Variants in SLC35F1 observed in about 807,000 individuals in gnomAD.
SLC35F1 encodes solute carrier family 35 member F1.
A neutral mutation model predicts 48.7 loss-of-function variants in SLC35F1; 14 were observed. That is an observed-to-expected ratio of 0.29 (90% CI 0.19 to 0.45). The LOEUF (loss-of-function observed/expected upper bound fraction) is 0.45. SLC35F1 is among the 20% of genes least tolerant of loss of function. The probability of loss-of-function intolerance (pLI) is 1.00; values close to 1 mark genes in which losing one functional copy is unlikely to be tolerated. For missense variants in SLC35F1, 404 were observed against 500.0 expected (o/e 0.81, Z 1.83); for synonymous variants, 190 against 202.2 (o/e 0.94, Z 0.51).
chr6:118,204,682 A>G (rs1774912298), intron 2 of SLC35F1, among the ~76,000 whole-genome samples: 1 of 152,184 alleles, frequency 6.6e-6, no homozygotes, highest in African/African-American at 2.4e-5. Context: ...TATAACAAAC[A>G]GAGAGAATAG....
At chr6:118,082,125 A>G (rs143426901) in intron 1 of SLC35F1, among the ~76,000 whole-genome samples, 25 of 152,384 alleles carry the variant, frequency 1.6e-4, no homozygotes, top group African/African-American at 5.5e-4. Flanking sequence ...TTAAAAATAC[A>G]GATTGGAGCC....
rs536156094 is a variant in SLC35F1 at position 118,099,092 on chromosome 6, A to G, written c.174-55353A>G. Among the ~76,000 whole-genome samples, 6 of 152,332 alleles carry G rather than the reference A, an allele frequency of 3.9e-5. No homozygotes were observed. In the South Asian group the frequency reaches 1.2e-3, roughly 32 times the overall value. On this transcript the variant is annotated intron_variant, in intron 1 of 7. Coordinates refer to ENST00000360388, the MANE Select transcript of SLC35F1 (RefSeq NM_001029858.4). Reference sequence around the variant, plus strand: ...AGAAGAGATCTTGCTCATGGGATAGATCCACATTCCCTAGGGGCTGGAAAG... The same window carrying G: ...AGAAGAGATCTTGCTCATGGGATAGGTCCACATTCCCTAGGGGCTGGAAAG...
chr6:117,948,722 A>G (rs1266418628), intron 1 of SLC35F1, among the ~76,000 whole-genome samples: 2 of 152,188 alleles, frequency 1.3e-5, no homozygotes, highest in Non-Finnish European at 2.9e-5. Context: ...CAATTATAAT[A>G]TAGGCTGATG....
intron 1 of SLC35F1, among the ~76,000 whole-genome samples, chr6:118,067,135 T>C (rs1257401888): frequency 2.0e-5 from 3 of 152,138 alleles, no homozygotes; most frequent in Non-Finnish European, 4.4e-5. Flanking sequence ...TTGTGAAAGA[T>C]AAGGGTGAAA....
At chr6:118,073,190 C>T (rs1414480371) in intron 1 of SLC35F1, among the ~76,000 whole-genome samples, 3 of 152,056 alleles carry the variant, frequency 2.0e-5, no homozygotes, top group East Asian at 3.9e-4. Context: ...GAGTCAAATC[C>T]TTAGTTACAT....
chr6:118,027,294 C>G (rs531816818), intron 1 of SLC35F1, among the ~76,000 whole-genome samples: 109 of 152,198 alleles, frequency 7.2e-4, no homozygotes, highest in African/African-American at 2.6e-3. Context: ...TCTTTTCTCT[C>G]TGGTAAATAC....
At chr6:118,311,270 G>C (rs1422150370) in intron 7 of SLC35F1, among the ~76,000 whole-genome samples, 1 of 152,162 alleles carries the variant, frequency 6.6e-6, no homozygotes. Flanking sequence ...TTATGTAGTA[G>C]AAAGGCACTG....
chr6:118,029,147 A>G (rs9398478), intron 1 of SLC35F1, among the ~76,000 whole-genome samples: 49,084 of 151,908 alleles, frequency 0.32, 8,287 homozygotes, highest in East Asian at 0.5. Flanking sequence ...GAAGGACCTC[A>G]TTATCCTCTA....
At chr6:118,041,902 G>A (rs899834804) in intron 1 of SLC35F1, among the ~76,000 whole-genome samples, 11 of 151,508 alleles carry the variant, frequency 7.3e-5, no homozygotes, top group African/African-American at 2.4e-4. Context: ...GACTTCAGAT[G>A]TTATTCATGG....
chr6:118,139,858 T>C (rs1032942304), intron 1 of SLC35F1, among the ~76,000 whole-genome samples: 1 of 152,194 alleles, frequency 6.6e-6, no homozygotes, highest in Non-Finnish European at 1.5e-5. Flanking sequence ...CAAAGGAGCA[T>C]TAAATGGCTG....
At chr6:117,985,740 G>GA (rs1210957524) in intron 1 of SLC35F1, among the ~76,000 whole-genome samples, 2 of 152,214 alleles carry the variant, frequency 1.3e-5, no homozygotes, top group East Asian at 3.8e-4. Flanking sequence ...AGTGAAGACA[G>GA]AAAACAGCTC....
At chr6:118,031,887 G>A (rs112230479) in intron 1 of SLC35F1, among the ~76,000 whole-genome samples, 3,218 of 152,252 alleles carry the variant, frequency 0.021, 128 homozygotes, top group African/African-American at 0.073. Context: ...ATGGTAAACT[G>A]ACATGGCACA....
At chr6:118,263,439 C>T (rs542654484) in intron 3 of SLC35F1, among the ~76,000 whole-genome samples, 5 of 152,126 alleles carry the variant, frequency 3.3e-5, no homozygotes, top group South Asian at 2.1e-4. Context: ...GAATAAAATT[C>T]GTTTAAATCC....
intron 1 of SLC35F1, among the ~76,000 whole-genome samples, chr6:117,997,175 T>C (rs374455836): frequency 1.3e-5 from 2 of 151,820 alleles, no homozygotes; most frequent in East Asian, 1.9e-4. Context: ...AGGGTATCAG[T>C]GATGGAAGAT....
intron 7 of SLC35F1, among the ~76,000 whole-genome samples, chr6:118,301,043 C>A (rs1169334300): frequency 6.6e-6 from 1 of 152,092 alleles, no homozygotes; most frequent in African/African-American, 2.4e-5. Context: ...CAACCAATTC[C>A]ATCTTTAAAT....
At position 118,158,134 on chromosome 6, in the gene SLC35F1, C is replaced by T. The variant is rs944441780; in HGVS notation, c.349+3514C>T. Among the ~76,000 whole-genome samples, 33 of 152,130 alleles carry T rather than the reference C, an allele frequency of 2.2e-4. 1 individual carries two copies. The highest frequency in any genetic ancestry group is 2.4e-5 in the African/African-American group (1 of 41,408). ...TAAAATACCCTCTGGAGATTTTTAC[C>T]ATTGCCTCAGATCCTCACTAAGTTT... On this transcript the variant is annotated intron_variant, in intron 2 of 7. Coordinates refer to ENST00000360388, the MANE Select transcript of SLC35F1 (RefSeq NM_001029858.4).
intron 2 of SLC35F1, among the ~76,000 whole-genome samples, chr6:118,215,477 A>G (rs933127592): frequency 1.3e-5 from 2 of 152,116 alleles, no homozygotes; most frequent in African/African-American, 4.8e-5. Flanking sequence ...CACCGAGACA[A>G]TGGTGGGCCA....
At chr6:117,999,542 T>C in intron 1 of SLC35F1, 1 of 704,498 alleles carries the variant, frequency 1.4e-6, no homozygotes, top group Non-Finnish European at 2.3e-6. Context: ...CCTCCTGTGC[T>C]ATTTGTACAA....
At chr6:117,918,901 A>AT (rs201226637) in intron 1 of SLC35F1, among the ~76,000 whole-genome samples, 10 of 149,978 alleles carry the variant, frequency 6.7e-5, no homozygotes, top group African/African-American at 1.2e-4. Context: ...TTTTAAAATA[A>AT]TTTTTTTTTT....
Sources: gnomAD v4.1 joint callset for allele counts (sites outside exome capture counted in the v4.1 genomes callset) on GRCh38, gnomAD v4.1.1 for gene constraint, MANE v1.5 for transcripts, NCBI Gene and HGNC (gene_info 2026-07-23, HGNC 2026-07-21) for gene names.